Variants in ULK4 observed in about 807,000 individuals in gnomAD.
The protein encoded by ULK4 is inactive serine/threonine-protein kinase ULK4.
In ULK4, 133 loss-of-function variants were observed where a neutral mutation model predicts 160.6. The ratio of observed to expected loss-of-function variants is 0.83; its 90% CI spans 0.72 to 0.96. The LOEUF is 0.96. Ranked by LOEUF, ULK4 falls within the 40% of genes least tolerant of loss-of-function variation. The probability of loss-of-function intolerance (pLI) is 0.00; values close to 1 mark genes in which losing one functional copy is unlikely to be tolerated. For synonymous variants in ULK4, 534 were observed against 539.8 expected, an observed-to-expected ratio of 0.99 and a Z score of 0.15; for missense variants, 1,580 against 1,499.5, an observed-to-expected ratio of 1.05 and a Z score of -0.89.
intron 31 of ULK4, among the ~76,000 whole-genome samples, chr3:41,598,364 A>T (rs1452314462): frequency 6.6e-6 from 1 of 152,158 alleles, no homozygotes; most frequent in Admixed American, 6.5e-5. Context: ...TAAAATAAAA[A>T]TCCAGTGTTT....
intron 27 of ULK4, among the ~76,000 whole-genome samples, chr3:41,691,986 C>G (rs1323267770): frequency 8.5e-6 from 1 of 117,894 alleles, no homozygotes; most frequent in Non-Finnish European, 1.6e-5. Flanking sequence ...GAGTCTCGCT[C>G]TTTCACCCAG....
At chr3:41,750,845 C>T (rs977041707) in intron 22 of ULK4, among the ~76,000 whole-genome samples, 2 of 151,424 alleles carry the variant, frequency 1.3e-5, no homozygotes, top group African/African-American at 4.9e-5. Context: ...CAAAAATTAG[C>T]TGGATGTGGT....
chr3:41,818,598 G>A (rs575894374), intron 19 of ULK4, among the ~76,000 whole-genome samples: 5 of 152,304 alleles, frequency 3.3e-5, no homozygotes, highest in Admixed American at 2.6e-4. Context: ...TACAGGCTGG[G>A]AAGAGTTCAA....
intron 30 of ULK4, among the ~76,000 whole-genome samples, chr3:41,640,801 T>G (rs905386693): frequency 1.2e-4 from 18 of 151,828 alleles, no homozygotes; most frequent in African/African-American, 4.1e-4. Context: ...ATATACAACT[T>G]TTTTTTAATT....
chr3:41,411,290 C>T (rs1045551032), intron 34 of ULK4, among the ~76,000 whole-genome samples: 2 of 152,106 alleles, frequency 1.3e-5, no homozygotes, highest in African/African-American at 4.8e-5. Context: ...GCATTAACAT[C>T]AACACATACC....
chr3:41,702,146 T>C (rs2036696797), intron 27 of ULK4, among the ~76,000 whole-genome samples: 1 of 152,156 alleles, frequency 6.6e-6, no homozygotes, highest in Non-Finnish European at 1.5e-5. Context: ...TAATTATGTA[T>C]GTATGTATGT....
At chr3:41,427,983 C>T (rs1057337640) in intron 34 of ULK4, among the ~76,000 whole-genome samples, 2 of 152,192 alleles carry the variant, frequency 1.3e-5, no homozygotes, top group Non-Finnish European at 2.9e-5. Context: ...GTCAAACTGT[C>T]TCTGTTTACA....
At chr3:41,544,428 G>C (rs2086792730) in intron 32 of ULK4, among the ~76,000 whole-genome samples, 1 of 152,154 alleles carries the variant, frequency 6.6e-6, no homozygotes, top group African/African-American at 2.4e-5. Flanking sequence ...TCTGCACAGG[G>C]CCTCAACATC....
At chr3:41,810,446 T>G (rs2040786235) in intron 19 of ULK4, among the ~76,000 whole-genome samples, 1 of 152,232 alleles carries the variant, frequency 6.6e-6, no homozygotes, top group Non-Finnish European at 1.5e-5. Flanking sequence ...CCTTTACTCC[T>G]CTTTGTTGAA....
intron 35 of ULK4, among the ~76,000 whole-genome samples, chr3:41,325,395 A>T (rs1257268793): frequency 6.6e-6 from 1 of 152,234 alleles, no homozygotes; most frequent in Non-Finnish European, 1.5e-5. Context: ...TCCTAAAAGA[A>T]AGATCAGAAT....
chr3:41,448,675 A>G (rs142338157), intron 34 of ULK4, among the ~76,000 whole-genome samples: 1 of 152,246 alleles, frequency 6.6e-6, no homozygotes, highest in African/African-American at 2.4e-5. Context: ...GACCTTCATG[A>G]TAGTGCTCAT....
intron 34 of ULK4, among the ~76,000 whole-genome samples, chr3:41,399,345 T>A (rs935326319): frequency 4.6e-5 from 7 of 152,152 alleles, no homozygotes; most frequent in African/African-American, 1.7e-4. Context: ...TAAAAATAGG[T>A]CATTTGTCTT....
At chr3:41,800,962 C>A (rs1450878208) in intron 19 of ULK4, among the ~76,000 whole-genome samples, 1 of 152,152 alleles carries the variant, frequency 6.6e-6, no homozygotes, top group Non-Finnish European at 1.5e-5. Flanking sequence ...ATATAAAATT[C>A]GCAGTGAGTA....
rs148955906 is a variant in ULK4, at chr3:41,546,344, G to C, written c.3226+19681C>G. 2.7e-3 allele frequency among the ~76,000 whole-genome samples: 413 copies of C among 152,176 alleles called. 4 individuals carry two copies. The highest frequency in any genetic ancestry group is 9.5e-3 in the African/African-American group (395 of 41,506). ...ATTTAATCCGTAGACCAAGGACTTA[G>C]CCCTTACTTTAGGACATGACCCATA... On this transcript the variant is annotated intron_variant, in intron 32 of 36. Transcript: ENST00000301831.
At chr3:41,414,532 A>C (rs923613462) in intron 34 of ULK4, among the ~76,000 whole-genome samples, 5 of 152,230 alleles carry the variant, frequency 3.3e-5, no homozygotes, top group African/African-American at 1.2e-4. Flanking sequence ...TGCTTTGTCA[A>C]AAAGTATATG....
At chr3:41,663,828 AG>A in intron 29 of ULK4, 129 bp from the exon 30 acceptor site, 1 of 736,402 alleles carries the variant, frequency 1.4e-6, no homozygotes, top group Non-Finnish European at 2.2e-6. Context: ...TAAAGATTTA[AG>A]TAATTTACCT....
chr3:41,292,839 G>A (rs2079597549), intron 35 of ULK4, among the ~76,000 whole-genome samples: 1 of 152,202 alleles, frequency 6.6e-6, no homozygotes, highest in Admixed American at 6.5e-5. Context: ...AGCTACTCGG[G>A]AGGCTGAGGC....
At chr3:41,503,602 T>C (rs2085282806) in intron 32 of ULK4, among the ~76,000 whole-genome samples, 1 of 152,204 alleles carries the variant, frequency 6.6e-6, no homozygotes, top group African/African-American at 2.4e-5. Context: ...TAGCTCTGCA[T>C]GGTACCCAAC....
At chr3:41,859,824 AT>A (rs397875093) in intron 17 of ULK4, among the ~76,000 whole-genome samples, 20,775 of 115,858 alleles carry the variant, frequency 0.18, 1,931 homozygotes, top group Middle Eastern at 0.29. Flanking sequence ...TGCCTGGCTA[AT>A]TTTTTTTTTT....
Sources: gnomAD v4.1 joint callset for allele counts (sites outside exome capture counted in the v4.1 genomes callset) on GRCh38, gnomAD v4.1.1 for gene constraint, MANE v1.5 for transcripts, NCBI Gene and HGNC (gene_info 2026-07-23, HGNC 2026-07-21) for gene names.